Variants in GPC6 observed in about 807,000 individuals in gnomAD.
The protein encoded by GPC6 is glypican 6.
In GPC6, 14 loss-of-function variants were observed where a neutral mutation model predicts 55.2. That is an observed-to-expected ratio of 0.25 (90% CI 0.17 to 0.40). GPC6 has a LOEUF of 0.40. Ranked by LOEUF, GPC6 falls within the 10% of genes least tolerant of loss-of-function variation. The pLI is 1.00. For synonymous variants in GPC6, 278 were observed against 259.6 expected, an observed-to-expected ratio of 1.07 and a Z score of -0.68; for missense variants, 641 against 708.5, an observed-to-expected ratio of 0.90 and a Z score of 1.08.
intron 1 of GPC6, among the ~76,000 whole-genome samples, chr13:93,295,605 C>T (rs1467470800): frequency 9.2e-5 from 14 of 151,890 alleles, no homozygotes; most frequent in Admixed American, 9.2e-4. Flanking sequence ...CTCAGCCTCC[C>T]AAGTAGCTGG....
chr13:93,539,991 G>A (rs777823763), intron 1 of GPC6, among the ~76,000 whole-genome samples: 29 of 152,022 alleles, frequency 1.9e-4, no homozygotes, highest in Admixed American at 2.6e-4. Flanking sequence ...GTGCCCAGCC[G>A]CTTGGTACTT....
chr13:93,283,154 T>C (rs1878002281), intron 1 of GPC6, among the ~76,000 whole-genome samples: 1 of 152,212 alleles, frequency 6.6e-6, no homozygotes, highest in Non-Finnish European at 1.5e-5. Flanking sequence ...GTATTACCTA[T>C]TGATTGCCTG....
intron 4 of GPC6, among the ~76,000 whole-genome samples, chr13:94,071,976 G>A (rs1884750267): frequency 6.6e-6 from 1 of 152,136 alleles, no homozygotes; most frequent in South Asian, 2.1e-4. Context: ...ACACAGTTAA[G>A]CATTTATTCA....
intron 2 of GPC6, among the ~76,000 whole-genome samples, chr13:93,721,854 T>C (rs947329870): frequency 2.0e-5 from 3 of 151,732 alleles, no homozygotes; most frequent in African/African-American, 4.8e-5. Context: ...AATCTTTTGC[T>C]ACTTATGCGA....
At chr13:94,301,812 C>T (rs1875665246) in intron 5 of GPC6, among the ~76,000 whole-genome samples, 3 of 152,212 alleles carry the variant, frequency 2.0e-5, no homozygotes, top group Non-Finnish European at 4.4e-5. Context: ...ATCCCAATCT[C>T]CATCTCCAGC....
At chr13:93,901,697 T>C (rs1357932570) in intron 3 of GPC6, among the ~76,000 whole-genome samples, 2 of 151,962 alleles carry the variant, frequency 1.3e-5, no homozygotes, top group Non-Finnish European at 1.5e-5. Context: ...GGTCAGCAAT[T>C]TGAGACCAGC....
rs149468215 is a variant in GPC6, at chr13:93,962,471, C to T, written c.712-65258C>T. Among the ~76,000 whole-genome samples, 509 of 152,092 alleles carry T rather than the reference C, an allele frequency of 3.3e-3. 6 individuals carry two copies. Among genetic ancestry groups the T allele is most frequent in the African/African-American group, 0.012 (494 of 41,486 alleles). On this transcript the variant is annotated intron_variant, in intron 3 of 8. Transcript: ENST00000377047. ...CCTGGATTCTCTCTTGTTCATACTA[C>T]TCCCAGTTCCTAACCCAGTGCCCCA...
intron 2 of GPC6, among the ~76,000 whole-genome samples, chr13:93,592,647 T>C (rs1045849933): frequency 2.0e-5 from 3 of 151,594 alleles, no homozygotes; most frequent in African/African-American, 7.3e-5. Flanking sequence ...TTTGATTCCT[T>C]TTTCTCATGG....
At chr13:94,334,607 G>A (rs1271060308) in intron 6 of GPC6, among the ~76,000 whole-genome samples, 1 of 152,184 alleles carries the variant, frequency 6.6e-6, no homozygotes, top group Admixed American at 6.5e-5. Context: ...CCCCATTCCA[G>A]ACCTACGGAA....
intron 6 of GPC6, among the ~76,000 whole-genome samples, chr13:94,353,013 A>G (rs1230312732): frequency 2.0e-5 from 3 of 152,206 alleles, no homozygotes; most frequent in Non-Finnish European, 2.9e-5. Flanking sequence ...TTTACAGCTC[A>G]TGCAGAGGTG....
At chr13:94,039,972 C>T (rs368272193) in intron 4 of GPC6, among the ~76,000 whole-genome samples, 99 of 151,958 alleles carry the variant, frequency 6.5e-4, no homozygotes, top group African/African-American at 2.3e-3. Flanking sequence ...AATGATTTAA[C>T]GGCCATGCCT....
At chr13:94,063,614 T>A (rs1413900029) in intron 4 of GPC6, among the ~76,000 whole-genome samples, 1 of 152,170 alleles carries the variant, frequency 6.6e-6, no homozygotes, top group Non-Finnish European at 1.5e-5. Context: ...AGTAATATAT[T>A]CAAAAACAGA....
chr13:94,197,809 T>C (rs1033567092), intron 4 of GPC6, among the ~76,000 whole-genome samples: 2 of 152,140 alleles, frequency 1.3e-5, no homozygotes, highest in African/African-American at 4.8e-5. Flanking sequence ...CCACAACAAA[T>C]ATACATTTAG....
intron 3 of GPC6, among the ~76,000 whole-genome samples, chr13:94,004,107 A>T (rs933239487): frequency 6.6e-6 from 1 of 152,186 alleles, no homozygotes; most frequent in African/African-American, 2.4e-5. Context: ...GTACTTTCAT[A>T]GAGTAATCTC....
At chr13:93,642,343 C>T (rs1421815128) in intron 2 of GPC6, among the ~76,000 whole-genome samples, 1 of 152,192 alleles carries the variant, frequency 6.6e-6, no homozygotes, top group East Asian at 1.9e-4. Context: ...ATTATGGCTG[C>T]ATAGTATTCC....
intron 2 of GPC6, among the ~76,000 whole-genome samples, chr13:93,702,413 A>C (rs1366378005): frequency 1.3e-5 from 2 of 151,952 alleles, no homozygotes; most frequent in Admixed American, 1.3e-4. Flanking sequence ...GACAGTGTAA[A>C]GTTAGCATCA....
At position 93,539,236 on chromosome 13, in the gene GPC6, A is replaced by C. The variant is rs572089567; in HGVS notation, c.161-6027A>C. On this transcript the variant is annotated intron_variant, in intron 1 of 8. Coordinates refer to ENST00000377047, the MANE Select transcript of GPC6 (RefSeq NM_005708.5). The stretch of plus-strand genomic sequence containing the variant: ...TTGCTTTTGATAGTCAACTTATTCT[A>C]TCCTAGGGTCTTTAGCTCTAGAACC... 5.9e-5 allele frequency among the ~76,000 whole-genome samples: 9 copies of C among 152,188 alleles called. No homozygotes were observed. In the East Asian group the frequency reaches 1.7e-3, roughly 29 times the overall value.
At chr13:93,894,132 A>G (rs571297290) in intron 3 of GPC6, among the ~76,000 whole-genome samples, 1 of 152,292 alleles carries the variant, frequency 6.6e-6, no homozygotes, top group East Asian at 1.9e-4. Context: ...GGAAAACTAA[A>G]TTATTGCTGC....
At chr13:94,127,621 G>A (rs1310935151) in intron 4 of GPC6, among the ~76,000 whole-genome samples, 5 of 152,116 alleles carry the variant, frequency 3.3e-5, no homozygotes, top group African/African-American at 1.2e-4. Context: ...AAATCCCAAA[G>A]CCAAGATTCT....
Sources: allele counts gnomAD v4.1 joint callset (sites outside exome capture counted in the v4.1 genomes callset), GRCh38; gene constraint gnomAD v4.1.1; transcripts MANE v1.5; gene names NCBI Gene and HGNC (gene_info 2026-07-23, HGNC 2026-07-21).